The following NME7 variants were observed in gnomAD, a reference collection of about 807,000 sequenced individuals.
NME7 encodes the protein NME/NM23 family member 7, also known as nucleoside diphosphate kinase 7.
NME7 carries 41 observed loss-of-function variants against 49.1 expected under a neutral mutation model. The ratio of observed to expected loss-of-function variants is 0.83; its 90% CI spans 0.65 to 1.08. The LOEUF is 1.08. Among genes scored for constraint, NME7 ranks in the 50% least tolerant of loss-of-function variants. NME7 has a pLI of 0.00. For synonymous variants in NME7, 139 were observed against 150.6 expected (o/e 0.92, Z 0.56); for missense variants, 423 against 463.4 (o/e 0.91, Z 0.80).
chr1:169,253,393 G>T (rs1324087346), intron 7 of NME7, among the ~76,000 whole-genome samples: 1 of 151,570 alleles, frequency 6.6e-6, no homozygotes, highest in African/African-American at 2.4e-5. Flanking sequence ...GAATGCTTGT[G>T]ATTTTTGCAC....
At chr1:169,134,005 GTGTC>G (rs1229397794) in intron 11 of NME7, among the ~76,000 whole-genome samples, 1 of 152,160 alleles carries the variant, frequency 6.6e-6, no homozygotes, top group African/African-American at 2.4e-5. Context: ...GCCATTGTGT[GTGTC>G]TGTAACTTTC....
intron 4 of NME7, among the ~76,000 whole-genome samples, chr1:169,304,875 T>C (rs1486250671): frequency 6.6e-6 from 1 of 152,170 alleles, no homozygotes; most frequent in Non-Finnish European, 1.5e-5. Flanking sequence ...ACGTATATAC[T>C]GCATTACAGC....
At position 169,309,995 on chromosome 1, in the gene NME7, T is replaced by C; in HGVS notation, c.364A>G (p.Lys122Glu). The C allele has an allele frequency of 6.3e-7, 1 of 1,596,784 alleles. No individual in the cohort carries two copies. Among genetic ancestry groups the C allele is most frequent in the Non-Finnish European group, 8.6e-7 (1 of 1,168,834 alleles). ...CTTGAAAGCATCATCATTTTGAGTT[T>C]GGTTATAGTAAATCCAGCTTTGTTT... Reference protein sequence around the residue: ...IINKAGFTITKLKMMMLSRKE... With the variant: ...IINKAGFTITELKMMMLSRKE... The change falls in exon 4 of 12, where the codon AAA becomes GAA. Residue 122 changes from lysine (K) to glutamate (E), a missense_variant. Physicochemically the swap from Lys to Glu is moderately conservative, Grantham distance 56. Transcript: ENST00000367811.
chr1:169,262,509 G>C lies in NME7; in HGVS notation c.754+24794C>G, dbSNP rs574462900. Among the ~76,000 whole-genome samples, 5 of 134,092 alleles carry C rather than the reference G, an allele frequency of 3.7e-5. 2 individuals carry two copies. The highest frequency in any genetic ancestry group is 1.5e-4 in the Admixed American group (2 of 13,732). The allele number at this position is 134,092 out of a possible 152,430, so 88.0% of individuals were successfully genotyped here. On this transcript the variant is annotated intron_variant, in intron 7 of 11. Transcript: ENST00000367811. ...AAGTAGTTCATGTGTGCCACTCCCA[G>C]GGGGAGAAAACAAAAGTGCTAGTGA...
At position 169,256,111 on chromosome 1, in the gene NME7, G is replaced by C. The variant is rs1359033076; in HGVS notation, c.755-18424C>G. Among the ~76,000 whole-genome samples, 3 of 133,160 alleles carry C rather than the reference G, an allele frequency of 2.3e-5. 1 individual carries two copies. Among genetic ancestry groups the C allele is most frequent in the Admixed American group, 2.2e-4 (3 of 13,598 alleles). The allele number at this position is 133,160 out of a possible 152,430, so 87.4% of individuals were successfully genotyped here. Reference sequence around the variant, plus strand: ...ATTTCCTGAATCTGAATGTTGGCCTGCCTTGCTAGATTGGGGAAGTTCTCC... The same window carrying C: ...ATTTCCTGAATCTGAATGTTGGCCTCCCTTGCTAGATTGGGGAAGTTCTCC... On this transcript the variant is annotated intron_variant, in intron 7 of 11. Transcript: ENST00000367811.
chr1:169,311,513 A>T (rs1651390686), intron 3 of NME7, among the ~76,000 whole-genome samples: 1 of 151,972 alleles, frequency 6.6e-6, no homozygotes, highest in African/African-American at 2.4e-5. Context: ...GAAATTGTTC[A>T]TCTTAGTGTG....
chr1:169,246,622 T>C (rs1648327922), intron 7 of NME7, among the ~76,000 whole-genome samples: 1 of 152,228 alleles, frequency 6.6e-6, no homozygotes, highest in East Asian at 1.9e-4. Flanking sequence ...TTTGTATTTT[T>C]TTTTAGAGGT....
intron 1 of NME7, among the ~76,000 whole-genome samples, chr1:169,330,207 A>G (rs1474822974): frequency 1.3e-5 from 2 of 152,238 alleles, no homozygotes; most frequent in Non-Finnish European, 2.9e-5. Flanking sequence ...GAGTACTTCA[A>G]TCAGAAAGAA....
intron 1 of NME7, among the ~76,000 whole-genome samples, chr1:169,351,084 C>CCA (rs1207795396): frequency 1.3e-5 from 2 of 151,692 alleles, no homozygotes; most frequent in South Asian, 2.1e-4. Context: ...CCACCCACAA[C>CCA]CACACACACA....
At chr1:169,306,094 T>C (rs115023192) in intron 4 of NME7, among the ~76,000 whole-genome samples, 3,253 of 152,270 alleles carry the variant, frequency 0.021, 56 homozygotes, top group South Asian at 0.039. Flanking sequence ...TACAATATTA[T>C]GTACAAGAAA....
At chr1:169,252,822 C>A (rs1250930461) in intron 7 of NME7, among the ~76,000 whole-genome samples, 2 of 148,210 alleles carry the variant, frequency 1.3e-5, no homozygotes, top group African/African-American at 5.0e-5. Flanking sequence ...ATAGGGAATC[C>A]TTTCCCCATT....
At chr1:169,133,075 C>G (rs61803316) in intron 11 of NME7, among the ~76,000 whole-genome samples, 47,749 of 151,218 alleles carry the variant, frequency 0.32, 8,260 homozygotes, top group Non-Finnish European at 0.4. Context: ...TATTGCTTCA[C>G]TAGACATATG....
chr1:169,162,340 A>G (rs1659275272), intron 11 of NME7, among the ~76,000 whole-genome samples: 2 of 152,126 alleles, frequency 1.3e-5, no homozygotes, highest in African/African-American at 4.8e-5. Flanking sequence ...AATATTTTAT[A>G]TGCTTCTTAA....
intron 7 of NME7, among the ~76,000 whole-genome samples, chr1:169,275,904 G>C (rs1458885677): frequency 7.5e-6 from 1 of 133,510 alleles, no homozygotes; most frequent in Non-Finnish European, 1.8e-5. Flanking sequence ...AAGGGTTGTT[G>C]AATTTTGTCA....
At chr1:169,164,777 CTGCCA>C (rs1659359228) in intron 11 of NME7, among the ~76,000 whole-genome samples, 1 of 152,132 alleles carries the variant, frequency 6.6e-6, no homozygotes. Flanking sequence ...TGTAGTCCTG[CTGCCA>C]CTCTCTTCCT....
In NME7 at chr1:169,251,439, C is replaced by T. The variant is rs555115097; in HGVS notation, c.755-13752G>A. ...GATTTTTAAAATCCATTCTGCCAAT[C>T]TGTATCATTTAAGTGGAGAATTTAA... is the stretch of plus-strand genomic sequence containing the variant. On this transcript the variant is annotated intron_variant, in intron 7 of 11. Coordinates refer to ENST00000367811, the MANE Select transcript of NME7 (RefSeq NM_013330.5). Among the ~76,000 whole-genome samples the T allele has an allele frequency of 5.3e-5, 8 of 151,058 alleles. No homozygotes were observed. In the South Asian group the frequency reaches 1.5e-3, roughly 28 times the overall value.
intron 1 of NME7, among the ~76,000 whole-genome samples, chr1:169,325,308 T>A (rs1240322871): frequency 1.3e-5 from 2 of 152,056 alleles, no homozygotes; most frequent in Admixed American, 6.5e-5. Context: ...AGCTTTAGTA[T>A]CCCTGCTCCT....
chr1:169,226,060 C>A (rs929613128), intron 10 of NME7, among the ~76,000 whole-genome samples: 2 of 152,112 alleles, frequency 1.3e-5, no homozygotes, highest in Non-Finnish European at 2.9e-5. Context: ...ATTAGTTCAT[C>A]AAATATTTAT....
At chr1:169,228,017 A>C (rs1484066887) in intron 10 of NME7, among the ~76,000 whole-genome samples, 2 of 148,720 alleles carry the variant, frequency 1.3e-5, no homozygotes, top group Non-Finnish European at 3.0e-5. Context: ...TAAAGATAGA[A>C]AAAAATATAT....
Sources: gnomAD v4.1 joint callset for allele counts (sites outside exome capture counted in the v4.1 genomes callset) on GRCh38, gnomAD v4.1.1 for gene constraint, MANE v1.5 for transcripts, NCBI Gene and HGNC (gene_info 2026-07-23, HGNC 2026-07-21) for gene names.